The following SPSB1 variants were observed in gnomAD, a reference collection of about 807,000 sequenced individuals.
The protein encoded by SPSB1 is SPRY domain-containing SOCS box protein 1.
Under a neutral mutation model 21.2 loss-of-function variants are expected in SPSB1, and 8 were observed. The observed-to-expected ratio is 0.38, with a 90% CI of 0.22 to 0.68. SPSB1 has a LOEUF of 0.68. Among genes scored for constraint, SPSB1 ranks in the 30% least tolerant of loss-of-function variants. SPSB1 has a pLI of 0.53. For missense variants in SPSB1, 242 were observed against 377.8 expected (o/e 0.64, Z 2.98); for synonymous variants, 169 against 161.7 (o/e 1.05, Z -0.34).
In SPSB1 at chr1:9,355,849, GT is replaced by G. The variant is rs1484679293; in HGVS notation, c.-40del. 37 of 1,518,026 alleles carry G rather than the reference GT, an allele frequency of 2.4e-5. No individual in the cohort carries two copies. The highest frequency in any genetic ancestry group is 3.2e-5 in the Non-Finnish European group (36 of 1,132,620). 94.0% of individuals were successfully genotyped at this position (1,518,026 alleles called of 1,614,324 possible). A position where few individuals can be genotyped will look rare whatever the true frequency, so the allele number is the denominator to read the frequency against. On this transcript the variant is annotated 5_prime_UTR_variant, in exon 2 of 3. It introduces an in-frame stop codon into an upstream open reading frame of the 5' UTR. Transcript: ENST00000328089. ...GGAGACGAGACCACGAGATTGATGA[GT>G]TTGCCTTGGGAGTCGGTAAGAAGGT...
Position 9,324,270 on chromosome 1 carries a change from A to C in SPSB1, c.-150+31199A>C, listed in dbSNP as rs1357747916. ...TTACTACCACGTGGAGCCGGCACAT[A>C]GTGGGACTCACAGCTCTTCATGGCA... On this transcript the variant is annotated intron_variant, in intron 1 of 2. Coordinates refer to ENST00000328089, the MANE Select transcript of SPSB1 (RefSeq NM_025106.4). This position sits in a 1 kb window ranked among gnomAD's most constrained non-coding sequence, Gnocchi z 4.3. Among the ~76,000 whole-genome samples the C allele has an allele frequency of 6.6e-6, 1 of 152,140 alleles. No individual in the cohort carries two copies. The highest frequency in any genetic ancestry group is 1.5e-5 in the Non-Finnish European group (1 of 68,028).
At chr1:9,296,686 T>G (rs1306168476) in intron 1 of SPSB1, among the ~76,000 whole-genome samples, 3 of 152,178 alleles carry the variant, frequency 2.0e-5, no homozygotes, top group African/African-American at 7.2e-5. Context: ...CATCTGTAGC[T>G]TCTTCCTAAG....
At chr1:9,330,964 C>A (rs1013716333) in intron 1 of SPSB1, among the ~76,000 whole-genome samples, 4 of 151,846 alleles carry the variant, frequency 2.6e-5, no homozygotes, top group Non-Finnish European at 5.9e-5. Flanking sequence ...AAAAAAAAAT[C>A]CTAAATCTTT....
At chr1:9,330,505 C>T (rs1639897250) in intron 1 of SPSB1, among the ~76,000 whole-genome samples, 1 of 150,538 alleles carries the variant, frequency 6.6e-6, no homozygotes, top group South Asian at 2.1e-4. Flanking sequence ...AAAGATTTGC[C>T]AGTCTCCTTA....
rs559803680 is a variant in SPSB1 at position 9,324,921 on chromosome 1, G to C, written c.-149-30822G>C. Among the ~76,000 whole-genome samples, 3 of 152,218 alleles carry C rather than the reference G, an allele frequency of 2.0e-5. No individual in the cohort carries two copies. Among genetic ancestry groups the C allele is most frequent in the African/African-American group, 7.2e-5 (3 of 41,452 alleles). The stretch of plus-strand genomic sequence containing the variant: ...GCTTTCTTGGAAAAGCGAGTGGGGT[G>C]GGGGAGCAGGGACACCCGGCCTGGC... On this transcript the variant is annotated intron_variant, in intron 1 of 2. Transcript: ENST00000328089. This position sits in a 1 kb window ranked among gnomAD's most constrained non-coding sequence, Gnocchi z 4.3.
At chr1:9,349,619 T>C (rs1640218527) in intron 1 of SPSB1, among the ~76,000 whole-genome samples, 1 of 152,328 alleles carries the variant, frequency 6.6e-6, no homozygotes. Flanking sequence ...CCACGGGACA[T>C]GTCCTGAGCG....
chr1:9,297,903 A>C (rs1246063741), intron 1 of SPSB1, among the ~76,000 whole-genome samples: 1 of 152,206 alleles, frequency 6.6e-6, no homozygotes, highest in Non-Finnish European at 1.5e-5. Flanking sequence ...ACGTTGAGAA[A>C]TAGATTTGTG....
chr1:9,322,805 G>A (rs1364175479), intron 1 of SPSB1, among the ~76,000 whole-genome samples: 3 of 152,190 alleles, frequency 2.0e-5, no homozygotes, highest in Non-Finnish European at 4.4e-5. Flanking sequence ...GTCAGCGGGG[G>A]CAGGCAGCCC....
chr1:9,340,683 C>A (rs1019655926), intron 1 of SPSB1, among the ~76,000 whole-genome samples: 7 of 152,378 alleles, frequency 4.6e-5, no homozygotes, highest in African/African-American at 1.7e-4. Context: ...ATGTGGCCGG[C>A]CTTCCCTGCC....
chr1:9,319,723 A>G (rs1383085399), intron 1 of SPSB1, among the ~76,000 whole-genome samples: 1 of 152,154 alleles, frequency 6.6e-6, no homozygotes, highest in African/African-American at 2.4e-5. Context: ...AGCAGCCCCC[A>G]AAGGTCCGCT....
intron 1 of SPSB1, among the ~76,000 whole-genome samples, chr1:9,323,943 G>T (rs1253023413): frequency 6.6e-6 from 1 of 152,140 alleles, no homozygotes; most frequent in Non-Finnish European, 1.5e-5. Flanking sequence ...GTCTTTTCCT[G>T]CAGGAAGGAG....
rs1273795028 is a variant in SPSB1 at position 9,324,877 on chromosome 1, G to C, written c.-149-30866G>C. On this transcript the variant is annotated intron_variant, in intron 1 of 2. Transcript: ENST00000328089. This position sits in a 1 kb window ranked among gnomAD's most constrained non-coding sequence, Gnocchi z 4.3. ...GCCGTGGAGCCAGCACGGTCTTGTCGGATCCAGACCAGACAAATGCTTTCT... is the reference window on the plus strand; with the variant it reads ...GCCGTGGAGCCAGCACGGTCTTGTCCGATCCAGACCAGACAAATGCTTTCT... Among the ~76,000 whole-genome samples the C allele has an allele frequency of 7.2e-5, 11 of 152,230 alleles. No individual in the cohort carries two copies. Among genetic ancestry groups the C allele is most frequent in the Non-Finnish European group, 1.5e-4 (10 of 68,040 alleles).
intron 1 of SPSB1, among the ~76,000 whole-genome samples, chr1:9,344,010 G>A (rs1052874195): frequency 4.6e-5 from 7 of 152,124 alleles, no homozygotes; most frequent in Admixed American, 2.6e-4. Context: ...GGATGGTCTC[G>A]ATCTCCTGAC....
At position 9,355,836 on chromosome 1, in the gene SPSB1, A is replaced by G. The variant is rs1640352412; in HGVS notation, c.-56A>G. On this transcript the variant is annotated 5_prime_UTR_variant, in exon 2 of 3. Coordinates refer to ENST00000328089, the MANE Select transcript of SPSB1 (RefSeq NM_025106.4). The stretch of plus-strand genomic sequence containing the variant: ...CGATCAGAATACTGGAGACGAGACC[A>G]CGAGATTGATGAGTTTGCCTTGGGA... 2 of 1,516,260 alleles carry G rather than the reference A, an allele frequency of 1.3e-6. No homozygotes were observed. Among genetic ancestry groups the G allele is most frequent in the Non-Finnish European group, 1.8e-6 (2 of 1,132,522 alleles). The allele number at this position is 1,516,260 out of a possible 1,614,324, so 93.9% of individuals were successfully genotyped here.
At chr1:9,301,825 C>T (rs993471182) in intron 1 of SPSB1, among the ~76,000 whole-genome samples, 3 of 152,210 alleles carry the variant, frequency 2.0e-5, no homozygotes, top group African/African-American at 7.2e-5. Flanking sequence ...TGGCCCCATT[C>T]CCCGGGATGA....
chr1:9,353,271 A>C (rs765478472), intron 1 of SPSB1, among the ~76,000 whole-genome samples: 3 of 151,920 alleles, frequency 2.0e-5, no homozygotes, highest in Non-Finnish European at 4.4e-5. Flanking sequence ...GTTGGGGAAG[A>C]GGGGAATTCA....
chr1:9,362,301 G>C (rs530166867), intron 2 of SPSB1, among the ~76,000 whole-genome samples: 99 of 152,354 alleles, frequency 6.5e-4, no homozygotes, highest in African/African-American at 2.2e-3. Flanking sequence ...AGTTTGGGGG[G>C]GATAGGGGAC....
Position 9,295,241 on chromosome 1 carries a change from T to C in SPSB1, c.-150+2170T>C, listed in dbSNP as rs200100319. ...GAGTGTGTGTGTGTGTGTGTGTGTGTGCGCGCGTGCGGTTGGGGAGGTGTG... is the reference window on the plus strand; with the variant it reads ...GAGTGTGTGTGTGTGTGTGTGTGTGCGCGCGCGTGCGGTTGGGGAGGTGTG... On this transcript the variant is annotated intron_variant, in intron 1 of 2. Coordinates refer to ENST00000328089, the MANE Select transcript of SPSB1 (RefSeq NM_025106.4). Among the ~76,000 whole-genome samples, 653 of 132,320 alleles carry C rather than the reference T, an allele frequency of 4.9e-3. 4 individuals are homozygous for C. Among genetic ancestry groups the C allele is most frequent in the East Asian group, 0.026 (121 of 4,736 alleles). The allele number at this position is 132,320 out of a possible 152,430, so 86.8% of individuals were successfully genotyped here. A position where few individuals can be genotyped will look rare whatever the true frequency, so the allele number is the denominator to read the frequency against.
At position 9,293,140 on chromosome 1, in the gene SPSB1, G is replaced by C. The variant is rs1252437940; in HGVS notation, c.-150+69G>C. ...GGCCCGGGAGGGGGAGGCGCGGGGG[G>C]CCGGGCGAGGGCGGACGCGGGGATC... On this transcript the variant is annotated intron_variant, in intron 1 of 2. Transcript: ENST00000328089. The surrounding 1 kb of genome is among the most constrained non-coding windows in gnomAD (Gnocchi z 5.1). The C allele has an allele frequency of 1.0e-6, 1 of 972,042 alleles. No individual in the cohort carries two copies. Among genetic ancestry groups the C allele is most frequent in the Admixed American group, 6.3e-5 (1 of 15,886 alleles). The allele number at this position is 972,042 out of a possible 1,614,324, so 60.2% of individuals were successfully genotyped here. A position where few individuals can be genotyped will look rare whatever the true frequency, so the allele number is the denominator to read the frequency against.
Sources: gnomAD v4.1 joint callset for allele counts (sites outside exome capture counted in the v4.1 genomes callset) on GRCh38, gnomAD v4.1.1 for gene constraint, Gnocchi (gnomAD v3.1) non-coding constraint, MANE v1.5 for transcripts, NCBI Gene and HGNC (gene_info 2026-07-23, HGNC 2026-07-21) for gene names.